KLHL13: variants seen among roughly 807,000 people sequenced by gnomAD.
The protein encoded by KLHL13 is kelch-like protein 13.
KLHL13 carries 10 observed loss-of-function variants against 37.1 expected under a neutral mutation model. The ratio of observed to expected loss-of-function variants is 0.27; its 90% CI spans 0.17 to 0.46. The LOEUF is 0.46. Ranked by LOEUF, KLHL13 falls within the 20% of genes least tolerant of loss-of-function variation. The pLI is 1.00. For missense variants in KLHL13, 360 were observed against 509.3 expected, an observed-to-expected ratio of 0.71 and a Z score of 2.82; for synonymous variants, 163 against 181.2, an observed-to-expected ratio of 0.90 and a Z score of 0.81.
At chrX:118,080,186 T>C (rs2054975178) in intron 1 of KLHL13, among the ~76,000 whole-genome samples, 1 of 111,447 alleles carries the variant, frequency 9.0e-6, no homozygotes, top group African/African-American at 3.2e-5. Flanking sequence ...AGAAAACCTA[T>C]GAATACTCTT....
intron 1 of KLHL13, among the ~76,000 whole-genome samples, chrX:117,998,469 A>G (rs762192504): frequency 3.6e-5 from 4 of 110,987 alleles, no homozygotes; most frequent in Non-Finnish European, 7.6e-5. Context: ...AGTAATAAGT[A>G]AAGAGATTCT....
At chrX:118,006,367 T>A (rs2053982342) in intron 1 of KLHL13, among the ~76,000 whole-genome samples, 1 of 110,374 alleles carries the variant, frequency 9.1e-6, no homozygotes, top group Non-Finnish European at 1.9e-5. Flanking sequence ...AACTCTTAAT[T>A]GTGCCAAAAA....
chrX:117,955,755 G>A (rs927579211), intron 1 of KLHL13, among the ~76,000 whole-genome samples: 5 of 111,168 alleles, frequency 4.5e-5, no homozygotes, highest in African/African-American at 1.6e-4. Flanking sequence ...CTGCATATCT[G>A]CCTCACCATT....
At chrX:117,948,924 C>T (rs1394239760) in intron 1 of KLHL13, among the ~76,000 whole-genome samples, 1 of 112,099 alleles carries the variant, frequency 8.9e-6, no homozygotes, top group African/African-American at 3.2e-5. Flanking sequence ...CATACACAGA[C>T]TGTGGCATTT....
In KLHL13 at chrX:117,917,880, A is replaced by G. The variant is rs1195744762; in HGVS notation, c.570+1641T>C. Among the ~76,000 whole-genome samples, 3 of 111,756 alleles carry G rather than the reference A, an allele frequency of 2.7e-5. No homozygotes were observed. The Admixed American group carries it at 2.9e-4, about 11-fold the overall frequency. ...TGTAAAGCAATGTTAAGAGTCTATA[A>G]GTACAAGCTTTAAGTGTTACTACTA... On this transcript the variant is annotated intron_variant, in intron 4 of 6. Coordinates refer to ENST00000262820, the Ensembl canonical transcript of KLHL13.
At chrX:118,017,842 C>A (rs1296438491) in intron 1 of KLHL13, among the ~76,000 whole-genome samples, 1 of 111,312 alleles carries the variant, frequency 9.0e-6, no homozygotes, top group Non-Finnish European at 1.9e-5. Context: ...GTTGGAAATA[C>A]CAGACGATAT....
At chrX:118,052,470 C>T (rs1385375084) in intron 1 of KLHL13, among the ~76,000 whole-genome samples, 2 of 102,262 alleles carry the variant, frequency 2.0e-5, no homozygotes, top group African/African-American at 3.6e-5. Flanking sequence ...TTGCAGTGAG[C>T]GGAGATGCGC....
chrX:118,094,540 C>T (rs2055178276), intron 1 of KLHL13, among the ~76,000 whole-genome samples: 2 of 110,354 alleles, frequency 1.8e-5, no homozygotes, highest in South Asian at 4.1e-4. Flanking sequence ...ATACAGAGAA[C>T]GTCACAAAGA....
intron 1 of KLHL13, among the ~76,000 whole-genome samples, chrX:117,963,775 T>A (rs2053351005): frequency 9.7e-6 from 1 of 103,089 alleles, no homozygotes; most frequent in Admixed American, 1.1e-4. Flanking sequence ...TGGTGTGAGA[T>A]GATATCTCAT....
chrX:117,971,217 G>A (rs1279273622), intron 1 of KLHL13, among the ~76,000 whole-genome samples: 1 of 111,649 alleles, frequency 9.0e-6, no homozygotes, highest in Non-Finnish European at 1.9e-5. Flanking sequence ...ATCAAATATA[G>A]TAGGAATATT....
chrX:117,909,961 G>A (rs759624828), exon 5 of KLHL13: 2 of 1,211,582 alleles, frequency 1.7e-6, no homozygotes, highest in South Asian at 3.5e-5. Context: ...CGCTCAAAAG[G>A]GAGTTTCAAG....
intron 1 of KLHL13, among the ~76,000 whole-genome samples, chrX:117,989,254 T>G (rs2053760909): frequency 9.0e-6 from 1 of 110,987 alleles, no homozygotes; most frequent in Non-Finnish European, 1.9e-5. Flanking sequence ...GATCCTGAGG[T>G]AGGCAATGCA....
At chrX:117,902,967 A>ATAT (rs1172336110) in intron 5 of KLHL13, among the ~76,000 whole-genome samples, 1 of 110,824 alleles carries the variant, frequency 9.0e-6, no homozygotes, top group African/African-American at 3.3e-5. Flanking sequence ...TTGGTCCACC[A>ATAT]TATGATATAG....
At chrX:118,021,516 T>C (rs775057271) in intron 1 of KLHL13, among the ~76,000 whole-genome samples, 284 of 109,787 alleles carry the variant, frequency 2.6e-3, no homozygotes, top group Non-Finnish European at 4.6e-3. Flanking sequence ...TGTGATAGTT[T>C]GCTGAGAATG....
At chrX:117,913,567 C>CG (rs1931128264) in intron 4 of KLHL13, among the ~76,000 whole-genome samples, 2 of 111,988 alleles carry the variant, frequency 1.8e-5, no homozygotes, top group Admixed American at 1.9e-4. Flanking sequence ...ACAACAAGGC[C>CG]GGGGGCGGTG....
intron 2 of KLHL13, 152 bp from the exon 4 acceptor site, chrX:117,920,522 C>T: frequency 1.9e-6 from 1 of 520,477 alleles, no homozygotes; most frequent in South Asian, 3.5e-5. Flanking sequence ...AACTGCACAA[C>T]TTTCCTGATA....
chrX:117,981,308 G>T (rs767873165), intron 1 of KLHL13, among the ~76,000 whole-genome samples: 26 of 112,058 alleles, frequency 2.3e-4, no homozygotes, highest in African/African-American at 8.4e-4. Context: ...CAATGAAAGG[G>T]AAATCATTTC....
chrX:118,034,141 G>T (rs1027224183), intron 1 of KLHL13, among the ~76,000 whole-genome samples: 3 of 99,610 alleles, frequency 3.0e-5, no homozygotes, highest in African/African-American at 1.4e-4. Flanking sequence ...CATTAATAAT[G>T]GGAGACTTTA....
At chrX:117,904,366 C>T (rs1311623069) in intron 5 of KLHL13, among the ~76,000 whole-genome samples, 1 of 111,229 alleles carries the variant, frequency 9.0e-6, no homozygotes, top group Non-Finnish European at 1.9e-5. Context: ...ACACGACACT[C>T]AGATATAGGT....
Sources: gnomAD v4.1 joint callset for allele counts (sites outside exome capture counted in the v4.1 genomes callset) on GRCh38, gnomAD v4.1.1 for gene constraint, MANE v1.5 for transcripts, NCBI Gene and HGNC (gene_info 2026-07-23, HGNC 2026-07-21) for gene names.